CTNNA2: variants seen among roughly 807,000 people sequenced by gnomAD.
CTNNA2 encodes catenin alpha-2.
A neutral mutation model predicts 101.0 loss-of-function variants in CTNNA2; 42 were observed. That is an observed-to-expected ratio of 0.42 (90% confidence interval 0.32 to 0.54). CTNNA2 has a LOEUF of 0.54. Ranked by LOEUF, CTNNA2 falls within the 20% of genes least tolerant of loss-of-function variation. CTNNA2 has a pLI of 0.14. For synonymous variants in CTNNA2, 450 were observed against 456.4 expected, an observed-to-expected ratio of 0.99 and a Z score of 0.18; for missense variants, 871 against 1,223.1, an observed-to-expected ratio of 0.71 and a Z score of 4.29.
intron 7 of CTNNA2, among the ~76,000 whole-genome samples, chr2:80,090,269 G>T (rs1044405723): frequency 4.6e-5 from 7 of 151,744 alleles, no homozygotes; most frequent in African/African-American, 1.7e-4. Context: ...CTGTGTGCTT[G>T]TATGTATGTG....
At chr2:80,601,644 C>G (rs926639187) in intron 15 of CTNNA2, 2 of 151,332 alleles carry the variant, frequency 1.3e-5, no homozygotes, top group Non-Finnish European at 2.9e-5. Context: ...ATCTTTTTTA[C>G]TTTTGGATAT....
At chr2:79,882,423 G>T (rs1683507468) in intron 6 of CTNNA2, among the ~76,000 whole-genome samples, 1 of 152,176 alleles carries the variant, frequency 6.6e-6, no homozygotes, top group African/African-American at 2.4e-5. Flanking sequence ...TATTAGAGTT[G>T]CTGCAGGGAA....
At chr2:79,855,572 A>G (rs1476089537) in intron 3 of CTNNA2, among the ~76,000 whole-genome samples, 3 of 152,176 alleles carry the variant, frequency 2.0e-5, no homozygotes, top group Non-Finnish European at 4.4e-5. Flanking sequence ...TGGTTCTTCA[A>G]GTAGTGCACA....
chr2:79,621,879 G>A (rs112006158), intron 1 of CTNNA2, among the ~76,000 whole-genome samples: 338 of 152,214 alleles, frequency 2.2e-3, no homozygotes, highest in African/African-American at 7.9e-3. Context: ...CATAACCCCA[G>A]TATAACCATG....
intron 1 of CTNNA2, among the ~76,000 whole-genome samples, chr2:79,546,742 C>T (rs1673755736): frequency 1.3e-5 from 2 of 152,178 alleles, no homozygotes; most frequent in South Asian, 4.1e-4. Context: ...CATGTTAACT[C>T]ACTGGAATAC....
intron 5 of CTNNA2, among the ~76,000 whole-genome samples, chr2:79,506,686 CATT>C (rs1470718046): frequency 2.0e-5 from 3 of 152,158 alleles, no homozygotes; most frequent in African/African-American, 7.2e-5. Flanking sequence ...TATTATCTAT[CATT>C]ATTATACATC....
chr2:79,999,685 A>G (rs1692801321), intron 7 of CTNNA2, among the ~76,000 whole-genome samples: 1 of 152,070 alleles, frequency 6.6e-6, no homozygotes, highest in South Asian at 2.1e-4. Context: ...CCATTCATCC[A>G]TTTTTACTCA....
At chr2:79,947,759 G>A (rs1393027274) in intron 7 of CTNNA2, among the ~76,000 whole-genome samples, 9 of 152,162 alleles carry the variant, frequency 5.9e-5, no homozygotes, top group African/African-American at 2.2e-4. Flanking sequence ...TAGTAATTCA[G>A]CACCTAGAAG....
chr2:79,361,438 T>A (rs375095099), intron 3 of CTNNA2, among the ~76,000 whole-genome samples: 1 of 152,156 alleles, frequency 6.6e-6, no homozygotes, highest in Admixed American at 6.5e-5. Flanking sequence ...CGATTAGGGT[T>A]CTTTGATCTC....
chr2:79,601,023 C>T (rs572199541), intron 1 of CTNNA2, among the ~76,000 whole-genome samples: 5 of 152,254 alleles, frequency 3.3e-5, no homozygotes, highest in South Asian at 4.1e-4. Context: ...ACATTCAATT[C>T]GTAACAGTGT....
intron 1 of CTNNA2, among the ~76,000 whole-genome samples, chr2:79,539,655 G>A (rs1364708969): frequency 6.6e-6 from 1 of 152,190 alleles, no homozygotes; most frequent in Admixed American, 6.5e-5. Flanking sequence ...CTGGGAGTGT[G>A]TTTGCCCTCA....
At chr2:79,495,426 A>ATC (rs1196394689) in intron 4 of CTNNA2, among the ~76,000 whole-genome samples, 1 of 152,228 alleles carries the variant, frequency 6.6e-6, no homozygotes, top group Non-Finnish European at 1.5e-5. Context: ...GAGATACCAA[A>ATC]TCACACCTAT....
At chr2:80,587,424 C>A (rs1696071675) in intron 14 of CTNNA2, among the ~76,000 whole-genome samples, 1 of 152,124 alleles carries the variant, frequency 6.6e-6, no homozygotes, top group Non-Finnish European at 1.5e-5. Flanking sequence ...AATGATAATT[C>A]TATACATGCT....
chr2:80,202,237 A>T (rs1279949068), intron 7 of CTNNA2, among the ~76,000 whole-genome samples: 3 of 152,172 alleles, frequency 2.0e-5, no homozygotes, highest in Non-Finnish European at 4.4e-5. Flanking sequence ...TTAATTAATC[A>T]CCCAGACATA....
chr2:80,182,537 A>G (rs1269991958), intron 7 of CTNNA2, among the ~76,000 whole-genome samples: 1 of 152,190 alleles, frequency 6.6e-6, no homozygotes, highest in Non-Finnish European at 1.5e-5. Flanking sequence ...TACCATGCTC[A>G]TTCTGATGGG....
At chr2:80,431,380 A>C (rs1681494121) in intron 9 of CTNNA2, among the ~76,000 whole-genome samples, 1 of 152,144 alleles carries the variant, frequency 6.6e-6, no homozygotes, top group South Asian at 2.1e-4. Flanking sequence ...TGGACAGATC[A>C]CTTTAATCCT....
chr2:79,589,998 T>C (rs1307019510), intron 1 of CTNNA2, among the ~76,000 whole-genome samples: 1 of 152,242 alleles, frequency 6.6e-6, no homozygotes, highest in Non-Finnish European at 1.5e-5. Flanking sequence ...TTTCCGTAAT[T>C]GTTACTAGGA....
intron 7 of CTNNA2, among the ~76,000 whole-genome samples, chr2:80,059,984 TA>T (rs1174092665): frequency 6.6e-6 from 1 of 152,170 alleles, no homozygotes; most frequent in Non-Finnish European, 1.5e-5. Flanking sequence ...ATTCATCTAT[TA>T]GGGGAAAAGA....
intron 8 of CTNNA2, among the ~76,000 whole-genome samples, chr2:80,393,709 G>T (rs959674743): frequency 2.6e-5 from 4 of 152,192 alleles, no homozygotes; most frequent in South Asian, 2.1e-4. Context: ...AATCTGATGG[G>T]TTAATTAAGG....
Sources: allele counts gnomAD v4.1 joint callset (sites outside exome capture counted in the v4.1 genomes callset), GRCh38; gene constraint gnomAD v4.1.1; transcripts MANE v1.5; gene names NCBI Gene and HGNC (gene_info 2026-07-23, HGNC 2026-07-21).